The following VPS8 variants were observed in gnomAD, a reference collection of about 807,000 sequenced individuals.
VPS8 encodes vacuolar protein sorting-associated protein 8 homolog.
VPS8 carries 129 observed loss-of-function variants against 216.4 expected under a neutral mutation model. That is an observed-to-expected ratio of 0.60 (90% confidence interval 0.52 to 0.69). The LOEUF is 0.69. VPS8 is among the 30% of genes least tolerant of loss of function. The pLI is 0.00. For synonymous variants in VPS8, 571 were observed against 565.4 expected (o/e 1.01, Z -0.14); for missense variants, 1,531 against 1,683.5 (o/e 0.91, Z 1.59).
chr3:184,990,351 C>T (rs1465995082), intron 42 of VPS8, among the ~76,000 whole-genome samples: 2 of 152,132 alleles, frequency 1.3e-5, no homozygotes, highest in South Asian at 2.1e-4. Flanking sequence ...AGCTTACCCC[C>T]GAGGCTGTGA....
At chr3:184,999,576 A>G in intron 44 of VPS8, 120 bp from the exon 45 acceptor site, 1 of 1,207,744 alleles carries the variant, frequency 8.3e-7, no homozygotes, top group Non-Finnish European at 1.1e-6. Context: ...CTTACCCTGT[A>G]CAGCCATCAG....
Position 184,874,689 on chromosome 3 carries a change from A to G in VPS8, c.1734+3884A>G, listed in dbSNP as rs151107320. 3.0e-3 allele frequency among the ~76,000 whole-genome samples: 456 copies of G among 152,334 alleles called. 5 individuals carry two copies. Among genetic ancestry groups the G allele is most frequent in the African/African-American group, 9.7e-3 (403 of 41,574 alleles). On this transcript the variant is annotated intron_variant, in intron 21 of 47. Coordinates refer to ENST00000625842, the MANE Select transcript of VPS8 (RefSeq NM_001009921.3). ...TCAGATACAGGAAAGTACTGGTACT[A>G]CTGGGCTGCCTGTTTGAAATAAAAC...
At chr3:184,894,265 G>A (rs1732916169) in intron 22 of VPS8, among the ~76,000 whole-genome samples, 1 of 151,840 alleles carries the variant, frequency 6.6e-6, no homozygotes, top group Admixed American at 6.6e-5. Context: ...TAGTCCTTTT[G>A]TTTTTTTCCT....
intron 22 of VPS8, among the ~76,000 whole-genome samples, chr3:184,888,196 C>T (rs912617924): frequency 1.3e-5 from 2 of 152,106 alleles, no homozygotes; most frequent in African/African-American, 4.8e-5. Context: ...ACCGTGTTAG[C>T]CAGGATGGTC....
At chr3:184,965,175 C>T (rs890869644) in intron 38 of VPS8, among the ~76,000 whole-genome samples, 6 of 151,966 alleles carry the variant, frequency 3.9e-5, no homozygotes, top group South Asian at 2.1e-4. Context: ...TTAATATTGT[C>T]GTGTGGCTAG....
intron 40 of VPS8, 110 bp from the exon 41 acceptor site, chr3:184,982,456 A>G (rs1750369115): frequency 3.0e-6 from 2 of 660,174 alleles, no homozygotes; most frequent in Non-Finnish European, 5.1e-6. Flanking sequence ...AATGTATGTG[A>G]GAAGTACGTT....
chr3:184,984,429 G>A lies in VPS8; in HGVS notation c.3585+1335G>A, dbSNP rs545578305. Among the ~76,000 whole-genome samples, 8 of 151,456 alleles carry A rather than the reference G, an allele frequency of 5.3e-5. No individual in the cohort carries two copies. The South Asian group carries it at 1.0e-3, about 20-fold the overall frequency. Reference sequence around the variant, plus strand: ...TTGCCTCAGCCTCCCGAGTAGCTGGGATTAGAGGCATGTGCCACCACGCCC... The same window carrying A: ...TTGCCTCAGCCTCCCGAGTAGCTGGAATTAGAGGCATGTGCCACCACGCCC... On this transcript the variant is annotated intron_variant, in intron 42 of 47. Transcript: ENST00000625842.
chr3:185,021,471 G>C (rs181733672), intron 45 of VPS8, among the ~76,000 whole-genome samples: 1 of 152,304 alleles, frequency 6.6e-6, no homozygotes, highest in Admixed American at 6.5e-5. Flanking sequence ...ATTCTTTCAT[G>C]AGGTCACTTT....
chr3:184,885,892 C>A, intron 21 of VPS8: 2 of 451,022 alleles, frequency 4.4e-6, no homozygotes, highest in Non-Finnish European at 8.0e-6. Flanking sequence ...AATTTTTATT[C>A]TTAAACATAT....
intron 42 of VPS8, among the ~76,000 whole-genome samples, chr3:184,989,012 C>T (rs1050004206): frequency 1.3e-5 from 2 of 152,166 alleles, no homozygotes; most frequent in Non-Finnish European, 2.9e-5. Flanking sequence ...TTGCTATAAT[C>T]ACTTAATTGT....
At chr3:184,941,666 A>G (rs1243177897) in intron 36 of VPS8, among the ~76,000 whole-genome samples, 1 of 152,094 alleles carries the variant, frequency 6.6e-6, no homozygotes, top group Non-Finnish European at 1.5e-5. Context: ...CCCTTTCTCC[A>G]GAGCCTGCCC....
chr3:184,950,493 T>G (rs1744500724), intron 36 of VPS8, among the ~76,000 whole-genome samples: 2 of 152,020 alleles, frequency 1.3e-5, no homozygotes, highest in South Asian at 4.2e-4. Flanking sequence ...GTTTTTAGAG[T>G]GAGGGGGTGG....
In VPS8 at chr3:184,824,774, A is replaced by G; in HGVS notation, c.142A>G (p.Lys48Glu). 1 of 1,609,546 alleles carries G rather than the reference A, an allele frequency of 6.2e-7. No individual in the cohort carries two copies. The highest frequency in any genetic ancestry group is 8.5e-7 in the Non-Finnish European group (1 of 1,177,536). The change falls in exon 2 of 48, where the codon AAA becomes GAA. Residue 48 changes from lysine (K) to glutamate (E), a missense_variant. This residue lies in a region of VPS8 where 199 missense variants were observed against 182.2 expected (regional missense o/e 1.09). Coordinates refer to ENST00000625842, the MANE Select transcript of VPS8 (RefSeq NM_001009921.3). ...YIDMDKELEFKNDLIDDKEFD... is the reference protein window; with the variant it reads ...YIDMDKELEFENDLIDDKEFD... ...AGATATGGACAAGGAACTGGAGTTC[A>G]AAAATGATCTGGTAAAAATTTCAAT...
At chr3:184,888,288 A>G (rs902999377) in intron 22 of VPS8, among the ~76,000 whole-genome samples, 5 of 152,152 alleles carry the variant, frequency 3.3e-5, no homozygotes, top group African/African-American at 1.2e-4. Flanking sequence ...GCACCCGGCC[A>G]AGAACATTAC....
At chr3:184,860,334 G>C (rs980569457) in intron 15 of VPS8, among the ~76,000 whole-genome samples, 17 of 132,424 alleles carry the variant, frequency 1.3e-4, no homozygotes, top group Non-Finnish European at 2.0e-4. Flanking sequence ...AACATAGTGA[G>C]ACCCTGTCTC....
In VPS8 at chr3:184,866,876, G is replaced by C; in HGVS notation, c.1396G>C (p.Ala466Pro). The C allele has an allele frequency of 6.2e-7, 1 of 1,609,438 alleles. No individual in the cohort carries two copies. Among genetic ancestry groups the C allele is most frequent in the Non-Finnish European group, 8.5e-7 (1 of 1,178,626 alleles). Residue 466 changes from alanine to proline, a missense_variant and splice_region_variant, in exon 17 of 48, where the codon GCT (alanine) becomes CCT (proline). Physicochemically the swap from Ala to Pro is conservative, Grantham distance 27. This residue lies in a region of VPS8 where 1,318 missense variants were observed against 1,468.4 expected (regional missense o/e 0.90). Coordinates refer to ENST00000625842, the MANE Select transcript of VPS8 (RefSeq NM_001009921.3). ...TTTTGTATGTATGTTTTTCTTCCAGGCTTTGGTTGGAGAGAAGGCTTGTTA... is the reference window on the plus strand; with the variant it reads ...TTTTGTATGTATGTTTTTCTTCCAGCCTTTGGTTGGAGAGAAGGCTTGTTA... The part of the protein sequence containing the change: ...ATGGNVSQAL[A>P]LVGEKACYQS...
intron 22 of VPS8, among the ~76,000 whole-genome samples, chr3:184,892,781 C>G (rs1732611775): frequency 6.6e-6 from 1 of 152,128 alleles, no homozygotes; most frequent in African/African-American, 2.4e-5. Flanking sequence ...ACTTTTGTAG[C>G]CTTTACTGAA....
intron 25 of VPS8, among the ~76,000 whole-genome samples, chr3:184,905,316 G>A (rs1560610132): frequency 6.6e-6 from 1 of 152,246 alleles, no homozygotes; most frequent in East Asian, 1.9e-4. Context: ...CTTTTTGAGT[G>A]TTTCAGTAGT....
At chr3:184,876,885 CAAAGAGAAATGT>C (rs1276744856) in intron 21 of VPS8, among the ~76,000 whole-genome samples, 2 of 152,090 alleles carry the variant, frequency 1.3e-5, no homozygotes, top group Non-Finnish European at 2.9e-5. Flanking sequence ...ACACAGCAGC[CAAAGAGAAATGT>C]ATATCAAATC....
Sources: gnomAD v4.1 joint callset for allele counts (sites outside exome capture counted in the v4.1 genomes callset) on GRCh38, gnomAD v4.1.1 for gene constraint, gnomAD v4.1.1 regional missense constraint, MANE v1.5 for transcripts, NCBI Gene and HGNC (gene_info 2026-07-23, HGNC 2026-07-21) for gene names.